The following MINDY2 variants were observed in gnomAD, a reference collection of about 807,000 sequenced individuals.
MINDY2 encodes ubiquitin carboxyl-terminal hydrolase MINDY-2.
Under a neutral mutation model 68.2 loss-of-function variants are expected in MINDY2, and 52 were observed. That is an observed-to-expected ratio of 0.76 (90% CI 0.61 to 0.96). MINDY2 has a LOEUF of 0.96. MINDY2 is among the 40% of genes least tolerant of loss of function. The pLI is 0.00. For synonymous variants in MINDY2, 372 were observed against 303.0 expected, an observed-to-expected ratio of 1.23 and a Z score of -2.36; for missense variants, 881 against 773.4, an observed-to-expected ratio of 1.14 and a Z score of -1.65.
At chr15:58,799,779 G>A (rs1457327573) in intron 2 of MINDY2, among the ~76,000 whole-genome samples, 5 of 152,136 alleles carry the variant, frequency 3.3e-5, no homozygotes, top group African/African-American at 1.2e-4. Flanking sequence ...GCTTTTTGAA[G>A]GGCTTTGGCA....
rs758595500 is a variant in MINDY2, at chr15:58,797,911, A to G, written c.899-4402A>G. On this transcript the variant is annotated intron_variant, in intron 2 of 8. Coordinates refer to ENST00000559228, the MANE Select transcript of MINDY2 (RefSeq NM_001040450.3). The stretch of plus-strand genomic sequence containing the variant: ...ATGAGATTGGTGCAAAAATAAAGCC[A>G]TCACAAAATTGTAATGCCTCTGTTT... Among the ~76,000 whole-genome samples the G allele has an allele frequency of 1.2e-4, 18 of 152,320 alleles. No individual in the cohort carries two copies. In the South Asian group the frequency reaches 2.3e-3, roughly 19 times the overall value.
At chr15:58,822,251 CAAAA>C (rs1396696177) in intron 5 of MINDY2, among the ~76,000 whole-genome samples, 1 of 127,456 alleles carries the variant, frequency 7.8e-6, no homozygotes. Flanking sequence ...GACTCTGTAT[CAAAA>C]AAAAAAAAAA....
chr15:58,839,072 C>G (rs2032146338), intron 6 of MINDY2, among the ~76,000 whole-genome samples: 2 of 151,804 alleles, frequency 1.3e-5, no homozygotes, highest in Non-Finnish European at 2.9e-5. Flanking sequence ...TTACTAAACC[C>G]TATATATGAA....
chr15:58,834,112 A>C (rs1239542040), intron 6 of MINDY2, among the ~76,000 whole-genome samples: 2 of 152,116 alleles, frequency 1.3e-5, no homozygotes, highest in African/African-American at 4.8e-5. Context: ...CACAGCCCTT[A>C]ATCCATTTAA....
In MINDY2 at chr15:58,831,858, AAGG is replaced by A; in HGVS notation, c.1313_1315del (p.Gly438del). ...TGTGAACTAACTTCAACGGTTCAGG[AAGG>A]AGAACTTTGTGTGTTCTTTCGGAAT... On this transcript the variant is annotated inframe_deletion, in exon 6 of 9. Transcript: ENST00000559228. 6.2e-7 allele frequency: 1 copy of A among 1,613,788 alleles called. No individual in the cohort carries two copies. Among genetic ancestry groups the A allele is most frequent in the Non-Finnish European group, 8.5e-7 (1 of 1,179,840 alleles).
In MINDY2 at chr15:58,771,410, C is replaced by G; in HGVS notation, c.15C>G (p.Pro5=). The G allele has an allele frequency of 6.2e-7, 1 of 1,610,094 alleles. No individual in the cohort carries two copies. Among genetic ancestry groups the G allele is most frequent in the Middle Eastern group, 1.7e-4 (1 of 5,870 alleles). ...GGCGGCCCGGTATGGAGAGCAGCCC[C>G]GAGAGCCTGCAGCCGCTAGAACACG... MESS[P]ESLQPLEHGV... Residue 5 remains proline (P), a synonymous_variant, in exon 1 of 9, where the codon CCC becomes CCG. Transcript: ENST00000559228.
At chr15:58,827,418 C>T (rs1361726904) in intron 5 of MINDY2, among the ~76,000 whole-genome samples, 2 of 152,098 alleles carry the variant, frequency 1.3e-5, no homozygotes, top group African/African-American at 2.4e-5. Flanking sequence ...TCTCTTCCTT[C>T]TCCTCTTTCC....
At chr15:58,772,416 G>T (rs527345655) in intron 1 of MINDY2, among the ~76,000 whole-genome samples, 181 bp downstream of exon 1, 1 of 152,270 alleles carries the variant, frequency 6.6e-6, no homozygotes, top group South Asian at 2.1e-4. Context: ...ATATCGAAAA[G>T]AATTGCCCCT....
At chr15:58,847,549 C>T in intron 7 of MINDY2, 79 bp downstream of exon 7, 1 of 1,238,686 alleles carries the variant, frequency 8.1e-7, no homozygotes. Flanking sequence ...CAAAATTTTT[C>T]AACTAAAGAT....
chr15:58,796,439 C>T (rs1902289886), intron 2 of MINDY2, among the ~76,000 whole-genome samples: 1 of 152,312 alleles, frequency 6.6e-6, no homozygotes, highest in Middle Eastern at 3.4e-3. Context: ...TCTTGTGAGC[C>T]AGGCAGGAAG....
At chr15:58,831,194 T>TA (rs1412064178) in intron 5 of MINDY2, among the ~76,000 whole-genome samples, 2 of 152,132 alleles carry the variant, frequency 1.3e-5, no homozygotes, top group African/African-American at 4.8e-5. Context: ...AAAAATGGCA[T>TA]AAAAAACCAT....
chr15:58,850,574 C>G (rs1329060677), intron 7 of MINDY2, among the ~76,000 whole-genome samples: 1 of 152,028 alleles, frequency 6.6e-6, no homozygotes, highest in Non-Finnish European at 1.5e-5. Context: ...TTAAAAAATT[C>G]TTTAAACCAA....
intron 7 of MINDY2, among the ~76,000 whole-genome samples, chr15:58,850,982 T>G (rs983178757): frequency 6.6e-6 from 1 of 150,430 alleles, no homozygotes; most frequent in Admixed American, 6.6e-5. Context: ...CAATTTTTTG[T>G]TTTTTTTTCA....
intron 6 of MINDY2, among the ~76,000 whole-genome samples, chr15:58,839,642 C>G (rs1178919313): frequency 6.6e-6 from 1 of 151,906 alleles, no homozygotes; most frequent in African/African-American, 2.4e-5. Flanking sequence ...TAGGGTTAGG[C>G]TTTTTGGTGA....
chr15:58,840,841 T>G (rs1210896051), intron 6 of MINDY2, among the ~76,000 whole-genome samples: 32 of 123,418 alleles, frequency 2.6e-4, no homozygotes, highest in African/African-American at 3.8e-4. Flanking sequence ...TTTTTTTTTT[T>G]GTATTTTTAG....
intron 6 of MINDY2, among the ~76,000 whole-genome samples, chr15:58,838,068 G>A (rs1175504115): frequency 2.7e-5 from 4 of 150,094 alleles, no homozygotes; most frequent in Admixed American, 6.7e-5. Context: ...AACATCTATC[G>A]CATAAATACA....
chr15:58,787,360 G>C (rs1186339957), intron 1 of MINDY2, among the ~76,000 whole-genome samples: 4 of 151,796 alleles, frequency 2.6e-5, no homozygotes, highest in African/African-American at 9.7e-5. Flanking sequence ...GTTAAATTTT[G>C]CCTGTTTTTA....
At chr15:58,816,700 A>G (rs1295923273) in intron 4 of MINDY2, among the ~76,000 whole-genome samples, 1 of 152,240 alleles carries the variant, frequency 6.6e-6, no homozygotes, top group Non-Finnish European at 1.5e-5. Flanking sequence ...TCCTTTAAAC[A>G]AAAGGTTCTA....
chr15:58,833,339 T>A (rs1357702938), intron 6 of MINDY2, among the ~76,000 whole-genome samples: 4 of 152,172 alleles, frequency 2.6e-5, no homozygotes, highest in African/African-American at 9.7e-5. Context: ...TACTGCCATA[T>A]CTTGAAGGAG....
Sources: gnomAD v4.1 joint callset for allele counts (sites outside exome capture counted in the v4.1 genomes callset) on GRCh38, gnomAD v4.1.1 for gene constraint, MANE v1.5 for transcripts, NCBI Gene and HGNC (gene_info 2026-07-23, HGNC 2026-07-21) for gene names.